The following SSH2 variants were observed in gnomAD, a reference collection of about 807,000 sequenced individuals.
SSH2 encodes the protein slingshot protein phosphatase 2.
Under a neutral mutation model 135.2 loss-of-function variants are expected in SSH2, and 37 were observed. The ratio of observed to expected loss-of-function variants is 0.27; its 90% CI spans 0.21 to 0.36. The LOEUF is 0.36. Ranked by LOEUF, SSH2 falls within the 10% of genes least tolerant of loss-of-function variation. The pLI is 1.00. For missense variants in SSH2, 1,408 were observed against 1,765.3 expected, an observed-to-expected ratio of 0.80 and a Z score of 3.63; for synonymous variants, 628 against 646.2, an observed-to-expected ratio of 0.97 and a Z score of 0.43.
At chr17:29,796,317 A>AC (rs2151307636) in intron 2 of SSH2, among the ~76,000 whole-genome samples, 1 of 152,266 alleles carries the variant, frequency 6.6e-6, no homozygotes, top group East Asian at 1.9e-4. Flanking sequence ...TTGTATATCT[A>AC]CCATCTAGAT....
intron 15 of SSH2, 36 bp downstream of exon 15, chr17:29,635,932 C>T (rs770296590): frequency 6.8e-7 from 1 of 1,472,276 alleles, no homozygotes; most frequent in Non-Finnish European, 9.3e-7. Context: ...TTGAAGAGAA[C>T]TTCATTAGGC....
chr17:29,848,891 A>G lies in SSH2; in HGVS notation c.102T>C (p.Leu34=), dbSNP rs1400316114. 7 of 1,534,848 alleles carry G rather than the reference A, an allele frequency of 4.6e-6. No individual in the cohort carries two copies. The highest frequency in any genetic ancestry group is 3.9e-5 in the Admixed American group (2 of 50,974). ...TTTCTGATTCTTCACATTCACAGCA[A>G]AGTAATGCTGCTGATTCACTGTCTT... ...HLEDSESAAL[L]CCECEESEIF... Residue 34 remains leucine (L), a synonymous_variant, in exon 2 of 16, where the codon CTT becomes CTC. Transcript: ENST00000540801.
chr17:29,896,471 G>T (rs1396955249), intron 1 of SSH2, among the ~76,000 whole-genome samples: 1 of 148,952 alleles, frequency 6.7e-6, no homozygotes, highest in African/African-American at 2.5e-5. Flanking sequence ...TAGCTTATAT[G>T]CAAATACTAT....
intron 3 of SSH2, among the ~76,000 whole-genome samples, chr17:29,712,177 T>C (rs1345371633): frequency 6.6e-6 from 1 of 152,218 alleles, no homozygotes; most frequent in Non-Finnish European, 1.5e-5. Flanking sequence ...CTGATTAGCC[T>C]TTCCAAAGAA....
intron 2 of SSH2, among the ~76,000 whole-genome samples, chr17:29,821,108 T>C (rs1002210052): frequency 9.2e-5 from 14 of 152,234 alleles, no homozygotes; most frequent in African/African-American, 3.1e-4. Context: ...ACTTGGCTCC[T>C]GCTTTTCAGG....
intron 3 of SSH2, among the ~76,000 whole-genome samples, chr17:29,724,654 T>G (rs1168299734): frequency 4.2e-5 from 6 of 141,306 alleles, no homozygotes; most frequent in African/African-American, 1.5e-4. Context: ...CAGTGGTGCA[T>G]TCTCAGCTCA....
chr17:29,912,312 T>C (rs2066779862), intron 1 of SSH2, among the ~76,000 whole-genome samples: 2 of 152,254 alleles, frequency 1.3e-5, no homozygotes, highest in Admixed American at 1.3e-4. Flanking sequence ...AAGTTAGTCC[T>C]AGACTATATG....
chr17:29,878,886 A>T (rs2066084951), intron 1 of SSH2, among the ~76,000 whole-genome samples: 3 of 152,198 alleles, frequency 2.0e-5, no homozygotes, highest in Non-Finnish European at 2.9e-5. Context: ...AACAAGCTCA[A>T]AGCAGCAAAT....
At position 29,629,094 on chromosome 17, in the gene SSH2, G is replaced by C. The variant is rs916103545; in HGVS notation, c.*1747C>G. ...GAAAGCAAATCTGCAAGCCTCTTCA[G>C]TTTCAATGAGATGCAGAGGTGTTTC... On this transcript the variant is annotated 3_prime_UTR_variant, in exon 16 of 16. Transcript: ENST00000540801. The C allele has an allele frequency of 6.6e-6, 1 of 152,278 alleles. No homozygotes were observed. The highest frequency in any genetic ancestry group is 1.5e-5 in the Non-Finnish European group (1 of 68,052). The allele number at this position is 152,278 out of a possible 1,614,324, so 9.4% of individuals were successfully genotyped here.
chr17:29,716,778 T>C lies in SSH2; in HGVS notation c.189-13716A>G, dbSNP rs908369616. On this transcript the variant is annotated intron_variant, in intron 3 of 15. Transcript: ENST00000540801. ...TCTCTACTTGCTGTCCCCATTTTCT[T>C]CCCTTGCCAGTCAATTTTTCTACCC... is the stretch of plus-strand genomic sequence containing the variant. 2.6e-5 allele frequency: 11 copies of C among 428,618 alleles called. No homozygotes were observed. In the Admixed American group the frequency reaches 3.4e-4, roughly 13 times the overall value. 26.6% of individuals were successfully genotyped at this position (428,618 alleles called of 1,614,324 possible).
chr17:29,681,690 G>A (rs2037997509), intron 6 of SSH2, among the ~76,000 whole-genome samples: 1 of 151,986 alleles, frequency 6.6e-6, no homozygotes, highest in Non-Finnish European at 1.5e-5. Flanking sequence ...AATACTCAAA[G>A]AACTTGTAAA....
chr17:29,670,803 T>C (rs1251589561), intron 9 of SSH2, among the ~76,000 whole-genome samples: 1 of 151,640 alleles, frequency 6.6e-6, no homozygotes, highest in East Asian at 1.9e-4. Flanking sequence ...ATTACTCTGT[T>C]AAAAAAAACC....
intron 2 of SSH2, among the ~76,000 whole-genome samples, chr17:29,826,452 T>C (rs1246321973): frequency 6.6e-6 from 1 of 152,184 alleles, no homozygotes; most frequent in Non-Finnish European, 1.5e-5. Flanking sequence ...AAGGATATTG[T>C]ATTATACAAG....
In SSH2 at chr17:29,671,861, G is replaced by C. The variant is rs2037507579; in HGVS notation, c.809+74C>G. ...TTAACTCCCCAAGAGAAAAGATTAG[G>C]GAGGAACATGCTTCTTATGACTCCT... is the stretch of plus-strand genomic sequence containing the variant. On this transcript the variant is annotated intron_variant, in intron 9 of 15. Coordinates refer to ENST00000540801, the MANE Select transcript of SSH2 (RefSeq NM_001282129.2). 4.7e-6 allele frequency: 6 copies of C among 1,271,786 alleles called. No homozygotes were observed. In the South Asian group the frequency reaches 6.9e-5, roughly 15 times the overall value. The allele number at this position is 1,271,786 out of a possible 1,614,324, so 78.8% of individuals were successfully genotyped here.
intron 3 of SSH2, among the ~76,000 whole-genome samples, chr17:29,713,767 C>T (rs2039523092): frequency 1.3e-5 from 2 of 152,108 alleles, no homozygotes; most frequent in South Asian, 4.1e-4. Context: ...CTCATGACAC[C>T]ACTGCTGTCT....
At chr17:29,745,282 C>A (rs777462767) in intron 3 of SSH2, among the ~76,000 whole-genome samples, 9 of 152,022 alleles carry the variant, frequency 5.9e-5, no homozygotes, top group Non-Finnish European at 1.3e-4. Context: ...GCTTCAGCCT[C>A]CCGAGTAGCG....
chr17:29,825,813 C>T (rs2042732579), intron 2 of SSH2, among the ~76,000 whole-genome samples: 1 of 152,154 alleles, frequency 6.6e-6, no homozygotes, highest in African/African-American at 2.4e-5. Context: ...AAACACCTGT[C>T]ATTATAGACT....
intron 9 of SSH2, among the ~76,000 whole-genome samples, chr17:29,669,475 A>G (rs1729717158): frequency 2.0e-5 from 3 of 152,192 alleles, no homozygotes; most frequent in Non-Finnish European, 1.5e-5. Context: ...GCTTTGTTTT[A>G]TAAGCTTTTC....
chr17:29,825,636 A>G (rs572514822), intron 2 of SSH2, among the ~76,000 whole-genome samples: 32 of 152,320 alleles, frequency 2.1e-4, no homozygotes, highest in Non-Finnish European at 4.1e-4. Flanking sequence ...CAAGGCCTCA[A>G]TACTGATACT....
Sources: gnomAD v4.1 joint callset for allele counts (sites outside exome capture counted in the v4.1 genomes callset) on GRCh38, gnomAD v4.1.1 for gene constraint, MANE v1.5 for transcripts, NCBI Gene and HGNC (gene_info 2026-07-23, HGNC 2026-07-21) for gene names.